Variants in CNKSR3 observed in about 807,000 individuals in gnomAD.
The protein encoded by CNKSR3 is connector enhancer of kinase suppressor of ras 3.
CNKSR3 carries 36 observed loss-of-function variants against 67.7 expected under a neutral mutation model. That is an observed-to-expected ratio of 0.53 (90% CI 0.41 to 0.70). The LOEUF is 0.70. CNKSR3 is among the 30% of genes least tolerant of loss of function. The pLI, the probability that CNKSR3 is intolerant of heterozygous loss-of-function variation, is 0.00. For missense variants in CNKSR3, 630 were observed against 695.2 expected, an observed-to-expected ratio of 0.91 and a Z score of 1.05; for synonymous variants, 281 against 271.4, an observed-to-expected ratio of 1.04 and a Z score of -0.35.
intron 9 of CNKSR3, 63 bp from the exon 10 acceptor site, chr6:154,414,486 T>G: frequency 6.5e-7 from 1 of 1,539,074 alleles, no homozygotes; most frequent in South Asian, 1.3e-5. Flanking sequence ...ATTCTTGGTG[T>G]TTATTTCCCC....
intron 7 of CNKSR3, 46 bp from the exon 8 acceptor site, chr6:154,423,029 A>G (rs1255272393): frequency 2.4e-6 from 3 of 1,226,688 alleles, no homozygotes; most frequent in South Asian, 1.3e-5. Flanking sequence ...TAAACCTTCT[A>G]TTTCTTTCTG....
At position 154,479,227 on chromosome 6, in the gene CNKSR3, A is replaced by AT. The variant is rs1372560048; in HGVS notation, c.53-28970_53-28969insA. On this transcript the variant is annotated intron_variant, in intron 1 of 12. Transcript: ENST00000607772. ...GGAGATGGATTCAGAGAAAAAAAAA[A>AT]AAAATATTCTTTCAGTGCAGATTCC... is the stretch of plus-strand genomic sequence containing the variant. Among the ~76,000 whole-genome samples, 140 of 120,524 alleles carry AT rather than the reference A, an allele frequency of 1.2e-3. 1 individual carries two copies. The highest frequency in any genetic ancestry group is 5.4e-3 in the South Asian group (20 of 3,676). 79.1% of individuals were successfully genotyped at this position (120,524 alleles called of 152,430 possible).
At chr6:154,441,720 GA>G (rs1362917572) in intron 3 of CNKSR3, among the ~76,000 whole-genome samples, 3 of 146,902 alleles carry the variant, frequency 2.0e-5, no homozygotes, top group African/African-American at 7.6e-5. Flanking sequence ...AATCTGAATA[GA>G]AAGAGAGAAG....
At chr6:154,454,155 G>A (rs974328758) in intron 1 of CNKSR3, among the ~76,000 whole-genome samples, 7 of 102,878 alleles carry the variant, frequency 6.8e-5, no homozygotes, top group Non-Finnish European at 1.2e-4. Context: ...ATAAGAGCCC[G>A]CAATCCAATA....
At chr6:154,445,835 G>A (rs1785696937) in intron 2 of CNKSR3, among the ~76,000 whole-genome samples, 1 of 151,978 alleles carries the variant, frequency 6.6e-6, no homozygotes, top group Admixed American at 6.6e-5. Flanking sequence ...TTTAAAAGAA[G>A]GAAGGAGGAG....
chr6:154,441,804 T>C (rs75798877), intron 3 of CNKSR3, among the ~76,000 whole-genome samples: 198 of 152,164 alleles, frequency 1.3e-3, no homozygotes, highest in African/African-American at 4.5e-3. Flanking sequence ...ACAGCTTTCA[T>C]ACCAATCAAA....
chr6:154,448,425 AC>A (rs1785752905), intron 2 of CNKSR3, among the ~76,000 whole-genome samples: 1 of 108,084 alleles, frequency 9.3e-6, no homozygotes, highest in African/African-American at 3.7e-5. Flanking sequence ...AAACTCAAAC[AC>A]GTTTGTACAA....
rs1157678980 is a variant in CNKSR3, at chr6:154,393,605, T to C, written c.*12749A>G. 6.6e-6 allele frequency: 1 copy of C among 152,254 alleles called. No individual in the cohort carries two copies. Among genetic ancestry groups the C allele is most frequent in the African/African-American group, 2.4e-5 (1 of 41,464 alleles). The allele number at this position is 152,254 out of a possible 1,614,324, so 9.4% of individuals were successfully genotyped here. A position where few individuals can be genotyped will look rare whatever the true frequency, so the allele number is the denominator to read the frequency against. ...TTAATCTTCTCCCAATTTGTAACTT[T>C]TTAAAAATTTTCTTTAAGGTGTCCT... On this transcript the variant is annotated 3_prime_UTR_variant, in exon 13 of 13. Transcript: ENST00000607772.
At chr6:154,427,204 C>T (rs1260692348) in intron 7 of CNKSR3, among the ~76,000 whole-genome samples, 1 of 152,222 alleles carries the variant, frequency 6.6e-6, no homozygotes, top group Non-Finnish European at 1.5e-5. Context: ...TCACTACAAA[C>T]ATCAAGTGCT....
At chr6:154,474,203 G>A (rs1230167914) in intron 1 of CNKSR3, among the ~76,000 whole-genome samples, 1 of 149,056 alleles carries the variant, frequency 6.7e-6, no homozygotes, top group Non-Finnish European at 1.5e-5. Context: ...ATGAGGTCAG[G>A]AGATCAACAC....
chr6:154,406,771 C>T, intron 12 of CNKSR3, 119 bp from the exon 13 acceptor site: 1 of 818,254 alleles, frequency 1.2e-6, no homozygotes, highest in Non-Finnish European at 1.9e-6. Context: ...AGATCTAGAC[C>T]ATCCTGGCCA....
intron 2 of CNKSR3, among the ~76,000 whole-genome samples, chr6:154,449,164 T>C (rs143264505): frequency 4.0e-4 from 61 of 152,366 alleles, no homozygotes; most frequent in African/African-American, 1.5e-3. Flanking sequence ...CTACAAAATG[T>C]AATGAAGGCC....
chr6:154,448,434 C>CAAAAAAAAAAAAAAAAA (rs56872694), intron 2 of CNKSR3, among the ~76,000 whole-genome samples: 3 of 121,760 alleles, frequency 2.5e-5, no homozygotes, highest in Non-Finnish European at 5.0e-5. Context: ...CACGTTTGTA[C>CAAAAAAAAAAAAAAAAA]AAAAAAAAAA....
At chr6:154,436,525 T>G (rs894954639) in intron 4 of CNKSR3, among the ~76,000 whole-genome samples, 18 of 152,284 alleles carry the variant, frequency 1.2e-4, no homozygotes, top group African/African-American at 2.2e-4. Flanking sequence ...AATTCTTTTT[T>G]TTGTTGTTGT....
chr6:154,414,877 C>T, intron 9 of CNKSR3: 1 of 457,692 alleles, frequency 2.2e-6, no homozygotes, highest in Non-Finnish European at 4.5e-6. Flanking sequence ...CAATGGATTG[C>T]TTGAGCTCAG....
intron 1 of CNKSR3, among the ~76,000 whole-genome samples, chr6:154,461,939 G>T (rs368024540): frequency 6.6e-6 from 1 of 152,232 alleles, no homozygotes; most frequent in Non-Finnish European, 1.5e-5. Context: ...AGTGGCAGGA[G>T]TTGGAGGCAG....
At position 154,410,327 on chromosome 6, in the gene CNKSR3, C is replaced by T. The variant is rs375927780; in HGVS notation, c.1369+16G>A. On this transcript the variant is annotated intron_variant, in intron 12 of 12. Coordinates refer to ENST00000607772, the MANE Select transcript of CNKSR3 (RefSeq NM_173515.4). ...TCCCCATTTGCTGTTCCTTGGTTTGCTTGGATGAAACGTACCTTTCCTGCC... is the reference window on the plus strand; with the variant it reads ...TCCCCATTTGCTGTTCCTTGGTTTGTTTGGATGAAACGTACCTTTCCTGCC... 1 of 1,602,720 alleles carries T rather than the reference C, an allele frequency of 6.2e-7. No homozygotes were observed. The highest frequency in any genetic ancestry group is 8.5e-7 in the Non-Finnish European group (1 of 1,169,858).
chr6:154,391,878 TA>T lies in CNKSR3; in HGVS notation c.*14475del, dbSNP rs1784611316. 6.6e-6 allele frequency: 1 copy of T among 152,178 alleles called. No individual in the cohort carries two copies. The highest frequency in any genetic ancestry group is 6.5e-5 in the Admixed American group (1 of 15,272). 9.4% of individuals were successfully genotyped at this position (152,178 alleles called of 1,614,324 possible). A position where few individuals can be genotyped will look rare whatever the true frequency, so the allele number is the denominator to read the frequency against. Reference sequence around the variant, plus strand: ...GGTCTTTTCACATAAGTGTTGTGTCTAAATTATATATTTTTCAGTTTTACCT... The same window carrying T: ...GGTCTTTTCACATAAGTGTTGTGTCTAATTATATATTTTTCAGTTTTACCT... On this transcript the variant is annotated 3_prime_UTR_variant, in exon 13 of 13. Transcript: ENST00000607772.
rs79478035 is a variant in CNKSR3 at position 154,442,882 on chromosome 6, T to A, written c.217-592A>T. 7.4e-3 allele frequency among the ~76,000 whole-genome samples: 1,062 copies of A among 143,254 alleles called. 7 individuals are homozygous for A. The highest frequency in any genetic ancestry group is 0.01 in the Admixed American group (142 of 13,556). 94.0% of individuals were successfully genotyped at this position (143,254 alleles called of 152,430 possible). On this transcript the variant is annotated intron_variant, in intron 2 of 12. Coordinates refer to ENST00000607772, the MANE Select transcript of CNKSR3 (RefSeq NM_173515.4). ...ATATTGTCGTAGACAGCTCATTATT[T>A]TTTTATTTTTTTTATTTTATTTTTT...
Sources: allele counts gnomAD v4.1 joint callset (sites outside exome capture counted in the v4.1 genomes callset), GRCh38; gene constraint gnomAD v4.1.1; transcripts MANE v1.5; gene names NCBI Gene and HGNC (gene_info 2026-07-23, HGNC 2026-07-21).